The following CYB5R4 variants were observed in gnomAD, a reference collection of about 807,000 sequenced individuals.
CYB5R4 encodes N-terminal cytochrome b5 and cytochrome b5 oxidoreductase domain-containing protein.
In CYB5R4, 55 loss-of-function variants were observed where a neutral mutation model predicts 70.2. The observed-to-expected ratio is 0.78, with a 90% CI of 0.63 to 0.98. The LOEUF is 0.98. Among genes scored for constraint, CYB5R4 ranks in the 50% least tolerant of loss-of-function variants. The pLI, the probability that CYB5R4 is intolerant of heterozygous loss-of-function variation, is 0.00. For missense variants in CYB5R4, 562 were observed against 612.6 expected (o/e 0.92, Z 0.87); for synonymous variants, 197 against 199.5 (o/e 0.99, Z 0.11).
intron 10 of CYB5R4, among the ~76,000 whole-genome samples, chr6:83,928,636 A>G (rs1471304543): frequency 6.6e-6 from 1 of 152,238 alleles, no homozygotes; most frequent in African/African-American, 2.4e-5. Flanking sequence ...GAAAGTTCAA[A>G]TGGGTTAATT....
chr6:83,940,085 G>T lies in CYB5R4; in HGVS notation c.1138G>T (p.Gly380Cys). The part of the protein sequence containing the change: ...GDFVSVSSPE[G>C]NFKISKFQEL... ...TTTTGTTTCTGTAAGCAGTCCTGAG[G>T]GCAATTTTAAAATATCCAAGTTCCA... Residue 380 changes from glycine (G) to cysteine (C), a missense_variant, in exon 13 of 16, where the codon GGC becomes TGC. Coordinates refer to ENST00000369681, the MANE Select transcript of CYB5R4 (RefSeq NM_016230.4). 6.2e-7 allele frequency: 1 copy of T among 1,609,224 alleles called. No homozygotes were observed. Among genetic ancestry groups the T allele is most frequent in the East Asian group, 2.2e-5 (1 of 44,650 alleles).
chr6:83,871,560 C>T (rs1370214303), intron 2 of CYB5R4, among the ~76,000 whole-genome samples: 1 of 152,074 alleles, frequency 6.6e-6, no homozygotes, highest in Non-Finnish European at 1.5e-5. Context: ...TTATCTAACC[C>T]TCAGGTGTTC....
In CYB5R4 at chr6:83,960,591, C is replaced by G. The variant is rs61758307; in HGVS notation, c.*713C>G. ...GAGGGAACCTTGACAGCTATTTTTA[C>G]TCTTAGCCAAAAACAAAGACATTAG... On this transcript the variant is annotated 3_prime_UTR_variant, in exon 16 of 16. Coordinates refer to ENST00000369681, the MANE Select transcript of CYB5R4 (RefSeq NM_016230.4). The G allele has an allele frequency of 1.5e-4, 23 of 152,260 alleles. No homozygotes were observed. The highest frequency in any genetic ancestry group is 5.3e-4 in the African/African-American group (22 of 41,546). 9.4% of individuals were successfully genotyped at this position (152,260 alleles called of 1,614,324 possible).
intron 2 of CYB5R4, among the ~76,000 whole-genome samples, chr6:83,889,746 C>T (rs2099460823): frequency 6.6e-6 from 1 of 152,134 alleles, no homozygotes; most frequent in Non-Finnish European, 1.5e-5. Context: ...GCAAGCTATA[C>T]AGGAAACAGT....
At position 83,967,306 on chromosome 6, in the gene CYB5R4, A is replaced by G. The variant is rs1016594918; in HGVS notation, c.*7428A>G. ...GAACTAAAACAAAATGAGAGTTAAA[A>G]AAGAAAGAGTATAGGTATATGCTAA... is the stretch of plus-strand genomic sequence containing the variant. On this transcript the variant is annotated 3_prime_UTR_variant, in exon 16 of 16. Transcript: ENST00000369681. 5 of 152,230 alleles carry G rather than the reference A, an allele frequency of 3.3e-5. No individual in the cohort carries two copies. Among genetic ancestry groups the G allele is most frequent in the Non-Finnish European group, 7.3e-5 (5 of 68,044 alleles). 9.4% of individuals were successfully genotyped at this position (152,230 alleles called of 1,614,324 possible). A position where few individuals can be genotyped will look rare whatever the true frequency, so the allele number is the denominator to read the frequency against.
At chr6:83,883,233 C>T (rs569237848) in intron 2 of CYB5R4, among the ~76,000 whole-genome samples, 1 of 151,974 alleles carries the variant, frequency 6.6e-6, no homozygotes, top group South Asian at 2.1e-4. Context: ...AGGGGCCTGT[C>T]AGACAAAATA....
intron 2 of CYB5R4, among the ~76,000 whole-genome samples, chr6:83,882,586 G>A (rs1169302197): frequency 6.6e-6 from 1 of 152,126 alleles, no homozygotes; most frequent in Non-Finnish European, 1.5e-5. Context: ...ATACTCAAGA[G>A]AAAAGGCAGT....
intron 5 of CYB5R4, among the ~76,000 whole-genome samples, chr6:83,915,532 G>A (rs2099465373): frequency 6.6e-6 from 1 of 152,136 alleles, no homozygotes; most frequent in African/African-American, 2.4e-5. Context: ...CGATAGACTA[G>A]GCATTTTCTT....
At chr6:83,949,800 G>A (rs2099471239) in intron 14 of CYB5R4, among the ~76,000 whole-genome samples, 1 of 152,074 alleles carries the variant, frequency 6.6e-6, no homozygotes, top group South Asian at 2.1e-4. Flanking sequence ...CTTGGCCTTG[G>A]GCAAATTACT....
intron 4 of CYB5R4, among the ~76,000 whole-genome samples, chr6:83,909,785 CAG>C (rs1390436407): frequency 6.6e-6 from 1 of 152,068 alleles, no homozygotes; most frequent in Non-Finnish European, 1.5e-5. Flanking sequence ...TTTTGCTCTT[CAG>C]GGGGACATTT....
intron 5 of CYB5R4, among the ~76,000 whole-genome samples, chr6:83,915,986 A>G (rs1037195535): frequency 4.6e-5 from 7 of 152,032 alleles, no homozygotes; most frequent in African/African-American, 1.4e-4. Flanking sequence ...TTCACTACAC[A>G]TTCACCCCGT....
intron 15 of CYB5R4, among the ~76,000 whole-genome samples, chr6:83,957,500 GATCCC>G (rs1183323227): frequency 6.6e-6 from 1 of 151,468 alleles, no homozygotes; most frequent in Non-Finnish European, 1.5e-5. Flanking sequence ...GGGCACCTGT[GATCCC>G]AGCTACTTGG....
In CYB5R4 at chr6:83,876,473, C is replaced by A. The variant is rs529104300; in HGVS notation, c.229+12145C>A. ...TATTTTAATGAAACCATTTTTTCTC[C>A]ACTATTATTTTTTATACTTCTTTGC... is the stretch of plus-strand genomic sequence containing the variant. On this transcript the variant is annotated intron_variant, in intron 2 of 15. Coordinates refer to ENST00000369681, the MANE Select transcript of CYB5R4 (RefSeq NM_016230.4). 1.5e-3 allele frequency among the ~76,000 whole-genome samples: 213 copies of A among 146,636 alleles called. 1 individual carries two copies. Among genetic ancestry groups the A allele is most frequent in the African/African-American group, 5.1e-3 (204 of 40,370 alleles).
intron 4 of CYB5R4, among the ~76,000 whole-genome samples, chr6:83,912,048 C>A (rs868403439): frequency 5.8e-4 from 79 of 136,676 alleles, no homozygotes; most frequent in Non-Finnish European, 9.6e-4. Flanking sequence ...CAGAGAGAGG[C>A]CTTGTCTCAA....
intron 2 of CYB5R4, among the ~76,000 whole-genome samples, chr6:83,873,376 A>T (rs2099457975): frequency 1.3e-5 from 2 of 150,664 alleles, no homozygotes; most frequent in Admixed American, 1.3e-4. Flanking sequence ...AGTAGCTGGG[A>T]TTACAGGCAC....
chr6:83,903,647 T>C (rs1308905330), intron 3 of CYB5R4, among the ~76,000 whole-genome samples: 1 of 152,060 alleles, frequency 6.6e-6, no homozygotes, highest in Non-Finnish European at 1.5e-5. Context: ...TTACAGTGAA[T>C]CCATCTAGTC....
rs987473619 is a variant in CYB5R4, at chr6:83,966,304, T to C, written c.*6426T>C. The stretch of plus-strand genomic sequence containing the variant: ...ATATCTCAGTAAAGATATAAAAATG[T>C]TTTTGGGTACTAAGACTAAACTAGA... On this transcript the variant is annotated 3_prime_UTR_variant, in exon 16 of 16. Transcript: ENST00000369681. 9 of 152,136 alleles carry C rather than the reference T, an allele frequency of 5.9e-5. No homozygotes were observed. The highest frequency in any genetic ancestry group is 1.2e-4 in the African/African-American group (5 of 41,428). 9.4% of individuals were successfully genotyped at this position (152,136 alleles called of 1,614,324 possible). A position where few individuals can be genotyped will look rare whatever the true frequency, so the allele number is the denominator to read the frequency against.
intron 2 of CYB5R4, among the ~76,000 whole-genome samples, chr6:83,887,196 C>T (rs1983862): frequency 0.15 from 23,384 of 151,944 alleles, 3,510 homozygotes; most frequent in African/African-American, 0.38. Flanking sequence ...AAGTGGTGAG[C>T]TACTAGGCAC....
chr6:83,937,249 T>C (rs2099469062), intron 12 of CYB5R4, among the ~76,000 whole-genome samples: 1 of 151,982 alleles, frequency 6.6e-6, no homozygotes, highest in East Asian at 1.9e-4. Context: ...TACTCTAGCC[T>C]GGGCAACAGA....
Sources: gnomAD v4.1 joint callset for allele counts (sites outside exome capture counted in the v4.1 genomes callset) on GRCh38, gnomAD v4.1.1 for gene constraint, MANE v1.5 for transcripts, NCBI Gene and HGNC (gene_info 2026-07-23, HGNC 2026-07-21) for gene names.